The following NDUFA10 variants were observed in gnomAD, a reference collection of about 807,000 sequenced individuals.
The protein encoded by NDUFA10 is NADH dehydrogenase [ubiquinone] 1 alpha subcomplex subunit 10, mitochondrial.
Under a neutral mutation model 47.8 loss-of-function variants are expected in NDUFA10, and 40 were observed. The ratio of observed to expected loss-of-function variants is 0.84; its 90% CI spans 0.65 to 1.09. The LOEUF (loss-of-function observed/expected upper bound fraction) is 1.09, where lower values mean the gene tolerates loss of function less well. Ranked by LOEUF, NDUFA10 falls within the 50% of genes least tolerant of loss-of-function variation. The pLI is 0.00. For missense variants in NDUFA10, 413 were observed against 451.1 expected (o/e 0.92, Z 0.76); for synonymous variants, 183 against 172.2 (o/e 1.06, Z -0.49).
At chr2:239,944,493 G>A (rs1694412167) in intron 4 of NDUFA10, among the ~76,000 whole-genome samples, 1 of 152,230 alleles carries the variant, frequency 6.6e-6, no homozygotes, top group Non-Finnish European at 1.5e-5. Flanking sequence ...CTCATGGCGG[G>A]AAATGATTAC....
intron 4 of NDUFA10, among the ~76,000 whole-genome samples, chr2:239,939,348 G>A (rs1414674483): frequency 1.3e-5 from 2 of 152,214 alleles, no homozygotes; most frequent in Non-Finnish European, 2.9e-5. Flanking sequence ...TGGGGAGGGC[G>A]AGTGGAACTC....
intron 4 of NDUFA10, among the ~76,000 whole-genome samples, chr2:239,902,464 T>G (rs1559263997): frequency 6.6e-6 from 1 of 152,248 alleles, no homozygotes; most frequent in Non-Finnish European, 1.5e-5. Context: ...GACATAATAC[T>G]ATTTGCACAC....
chr2:239,974,980 TGGTCATTTAAAAACATGTGACACTCCTCC>T (rs1559340828), intron 9 of NDUFA10, among the ~76,000 whole-genome samples: 3 of 144,782 alleles, frequency 2.1e-5, no homozygotes, highest in African/African-American at 5.2e-5. Flanking sequence ...ACCAAAGAGC[TGGTCATTTAAAAACATGTGACACTCCTCC>T]GCCACCAAAG....
rs1202177036 is a variant in NDUFA10 at position 240,022,255 on chromosome 2, G to A, written c.161C>T (p.Thr54Ile). 6.2e-7 allele frequency: 1 copy of A among 1,613,978 alleles called. No individual in the cohort carries two copies. The highest frequency in any genetic ancestry group is 2.2e-5 in the East Asian group (1 of 44,868). Residue 54 changes from threonine (T) to isoleucine (I), a missense_variant, in exon 2 of 10, where the codon ACA becomes ATA. Coordinates refer to ENST00000252711, the MANE Select transcript of NDUFA10 (RefSeq NM_004544.4). Reference sequence around the variant, plus strand: ...TACAGTTATCACTCTGCTGCGTTCTGTCAGTCTTTTGCTTGCTTTATCCCC... The same window carrying A: ...TACAGTTATCACTCTGCTGCGTTCTATCAGTCTTTTGCTTGCTTTATCCCC... Reference protein sequence around the residue: ...LLGDKASKRLTERSRVITVDG... With the variant: ...LLGDKASKRLIERSRVITVDG...
intron 4 of NDUFA10, among the ~76,000 whole-genome samples, chr2:239,950,532 G>A (rs1232131349): frequency 2.0e-5 from 3 of 152,118 alleles, no homozygotes; most frequent in African/African-American, 7.2e-5. Flanking sequence ...TCCCACTTGT[G>A]TTTAGACCTG....
At chr2:239,917,793 G>A (rs1693901838) in intron 4 of NDUFA10, among the ~76,000 whole-genome samples, 1 of 152,236 alleles carries the variant, frequency 6.6e-6, no homozygotes, top group Non-Finnish European at 1.5e-5. Flanking sequence ...CGCTGGCTCT[G>A]AATGCACTCA....
intron 9 of NDUFA10, chr2:239,982,257 T>G (rs138628903): frequency 6.2e-7 from 1 of 1,605,966 alleles, no homozygotes; most frequent in Non-Finnish European, 8.5e-7. Context: ...TCACCTCGCC[T>G]CTGACAAAGG....
Position 239,906,052 on chromosome 2 carries a change from G to A in NDUFA10, c.295-10738C>T, listed in dbSNP as rs1693649508. ...TAAGGAATTCCTGGAGCCCTGAGGG[G>A]TGATACCTCCAAGGTGCTCAGGGGA... On this transcript the variant is annotated intron_variant, in intron 4 of 5. Coordinates refer to the NDUFA10 transcript ENST00000419408. This position sits in a 1 kb window ranked among gnomAD's most constrained non-coding sequence, Gnocchi z 4.3. Among the ~76,000 whole-genome samples the A allele has an allele frequency of 6.6e-6, 1 of 152,130 alleles. No homozygotes were observed. The highest frequency in any genetic ancestry group is 6.5e-5 in the Admixed American group (1 of 15,284).
chr2:239,940,569 T>C (rs1056222937), intron 4 of NDUFA10, among the ~76,000 whole-genome samples: 3 of 152,232 alleles, frequency 2.0e-5, no homozygotes, highest in Non-Finnish European at 4.4e-5. Context: ...AGGAGATATG[T>C]GTGTTAAAAG....
chr2:240,018,059 C>G (rs1171001390), intron 4 of NDUFA10, among the ~76,000 whole-genome samples: 1 of 152,228 alleles, frequency 6.6e-6, no homozygotes, highest in Non-Finnish European at 1.5e-5. Flanking sequence ...CCATTTGCCA[C>G]TTGTCAGACC....
At chr2:239,936,401 G>A (rs78237175) in intron 4 of NDUFA10, among the ~76,000 whole-genome samples, 127 of 152,350 alleles carry the variant, frequency 8.3e-4, no homozygotes, top group African/African-American at 3.0e-3. Flanking sequence ...ACGCTGTTAG[G>A]GCAGGAGGCT....
intron 8 of NDUFA10, among the ~76,000 whole-genome samples, chr2:239,999,945 G>A (rs1303571987): frequency 6.6e-6 from 1 of 152,182 alleles, no homozygotes; most frequent in Non-Finnish European, 1.5e-5. Context: ...AGATTCTAGT[G>A]GAGCTGAACA....
chr2:239,966,834 A>G (rs1695083954), intron 9 of NDUFA10, among the ~76,000 whole-genome samples: 1 of 148,878 alleles, frequency 6.7e-6, no homozygotes, highest in Admixed American at 6.7e-5. Context: ...ATTTTACAGC[A>G]TGTGCAAGGA....
intron 4 of NDUFA10, among the ~76,000 whole-genome samples, chr2:239,939,203 G>C (rs577110273): frequency 6.6e-5 from 10 of 152,280 alleles, no homozygotes; most frequent in Non-Finnish European, 1.5e-4. Flanking sequence ...AGTGGAAAGG[G>C]AGGCCTGGGG....
At position 239,957,901 on chromosome 2, in the gene NDUFA10, T is replaced by C. The variant is rs1265510091; in HGVS notation, c.*3217A>G. ...CTTTTCCCAAGGGAAGCTCGCTGCT[T>C]CGAGTCACACACGTGTTGCTGTTAT... On this transcript the variant is annotated 3_prime_UTR_variant, in exon 10 of 10. Transcript: ENST00000252711. 1 of 152,256 alleles carries C rather than the reference T, an allele frequency of 6.6e-6. No individual in the cohort carries two copies. Among genetic ancestry groups the C allele is most frequent in the Non-Finnish European group, 1.5e-5 (1 of 68,050 alleles). 9.4% of individuals were successfully genotyped at this position (152,256 alleles called of 1,614,324 possible). A position where few individuals can be genotyped will look rare whatever the true frequency, so the allele number is the denominator to read the frequency against.
Position 240,005,225 on chromosome 2 carries a change from T to TATA in NDUFA10, c.872_874dup (p.Leu291dup). 6.2e-7 allele frequency: 1 copy of TATA among 1,614,024 alleles called. No individual in the cohort carries two copies. The highest frequency in any genetic ancestry group is 8.5e-7 in the Non-Finnish European group (1 of 1,179,902). ...ATGCACTTACAGTAATCGCAGGTGGTATAAAGTGCGATTGTCCTGCTTGAG... is the reference window on the plus strand; with the variant it reads ...ATGCACTTACAGTAATCGCAGGTGGTATAATAAAGTGCGATTGTCCTGCTTGAG... On this transcript the variant is annotated inframe_insertion, in exon 8 of 10. Transcript: ENST00000252711.
chr2:239,979,960 G>A (rs866271318), intron 9 of NDUFA10, among the ~76,000 whole-genome samples: 41 of 152,014 alleles, frequency 2.7e-4, no homozygotes, highest in African/African-American at 8.2e-4. Flanking sequence ...TGCCTTCCGG[G>A]GGGTGCCTGC....
intron 8 of NDUFA10, among the ~76,000 whole-genome samples, chr2:239,992,378 T>C (rs1257804728): frequency 1.3e-5 from 2 of 152,298 alleles, no homozygotes; most frequent in Middle Eastern, 6.8e-3. Context: ...AAATTGTAAA[T>C]AGTGTTTTAT....
intron 4 of NDUFA10, among the ~76,000 whole-genome samples, chr2:239,909,343 C>G (rs1251637249): frequency 6.6e-6 from 1 of 152,296 alleles, no homozygotes; most frequent in Non-Finnish European, 1.5e-5. Flanking sequence ...CCAGGGACGG[C>G]AGCTCACGCC....
Sources: allele counts gnomAD v4.1 joint callset (sites outside exome capture counted in the v4.1 genomes callset), GRCh38; gene constraint gnomAD v4.1.1; non-coding constraint Gnocchi (gnomAD v3.1); transcripts MANE v1.5; gene names NCBI Gene and HGNC (gene_info 2026-07-23, HGNC 2026-07-21).